The following ZNF737 variants were observed in gnomAD, a reference collection of about 807,000 sequenced individuals.
ZNF737 encodes the protein zinc finger protein 737.
In ZNF737, 13 loss-of-function variants were observed where a neutral mutation model predicts 11.7. That is an observed-to-expected ratio of 1.11 (90% CI 0.73 to 1.77). The LOEUF (loss-of-function observed/expected upper bound fraction) is 1.77, where lower values mean the gene tolerates loss of function less well. Ranked by LOEUF, ZNF737 falls within the 40% of genes most tolerant of loss-of-function variation. The pLI is 0.00. For missense variants in ZNF737, 636 were observed against 638.0 expected (o/e 1.00, Z 0.03); for synonymous variants, 217 against 216.2 (o/e 1.00, Z -0.03).
intron 2 of ZNF737, 67 bp downstream of exon 2, chr19:20,553,642 A>T: frequency 6.8e-7 from 1 of 1,470,570 alleles, no homozygotes; most frequent in East Asian, 2.3e-5. Context: ...TACTAAAAAA[A>T]TTCTACAAGA....
intron 3 of ZNF737, 45 bp from the exon 4 acceptor site, chr19:20,546,021 G>C (rs1968444008): frequency 2.0e-6 from 3 of 1,518,026 alleles, no homozygotes; most frequent in Non-Finnish European, 2.6e-6. Context: ...GGTAGACTCA[G>C]ATAAATATAC....
At chr19:20,554,324 T>C (rs1968806345) in intron 1 of ZNF737, among the ~76,000 whole-genome samples, 1 of 152,222 alleles carries the variant, frequency 6.6e-6, no homozygotes, top group African/African-American at 2.4e-5. Flanking sequence ...AAGAAGGATA[T>C]TTTGTCAAAC....
At position 20,541,417 on chromosome 19, in the gene ZNF737, T is replaced by A; in HGVS notation, c.*3175A>T. On this transcript the variant is annotated 3_prime_UTR_variant, in exon 4 of 4. Transcript: ENST00000427401. The stretch of plus-strand genomic sequence containing the variant: ...AAAACTATATTACAAGTATTTATAA[T>A]TTTTCAGGACTCAGAAATGTATGGA... The A allele has an allele frequency of 1.0e-6, 1 of 981,606 alleles. No homozygotes were observed. The highest frequency in any genetic ancestry group is 1.2e-6 in the Non-Finnish European group (1 of 826,482). 60.8% of individuals were successfully genotyped at this position (981,606 alleles called of 1,614,324 possible).
rs1968120695 is a variant in ZNF737 at position 20,539,667 on chromosome 19, AG to A, written c.*4924del. 4.3e-6 allele frequency: 4 copies of A among 935,300 alleles called. No individual in the cohort carries two copies. The East Asian group carries it at 4.7e-4, about 109-fold the overall frequency. The allele number at this position is 935,300 out of a possible 1,614,324, so 57.9% of individuals were successfully genotyped here. On this transcript the variant is annotated 3_prime_UTR_variant, in exon 4 of 4. Coordinates refer to ENST00000427401, the MANE Select transcript of ZNF737 (RefSeq NM_001159293.2). ...CAGTATAGTAGAATCCTCTATAATTAGAAGTTAATTATTTATAAATTCATTG... is the reference window on the plus strand; with the variant it reads ...CAGTATAGTAGAATCCTCTATAATTAAAGTTAATTATTTATAAATTCATTG...
At chr19:20,534,411 C>T (rs1469269682), downstream of ZNF737, among the ~76,000 whole-genome samples, 1 of 149,180 alleles carries the variant, frequency 6.7e-6, no homozygotes, top group Non-Finnish European at 1.5e-5. Context: ...CATTGCACTC[C>T]AGCCTGAGCA....
At chr19:20,552,405 C>A (rs1968712483) in intron 3 of ZNF737, 70 bp downstream of exon 3, 3 of 1,107,728 alleles carry the variant, frequency 2.7e-6, no homozygotes, top group Non-Finnish European at 3.8e-6. Flanking sequence ...ACTTTAAGGA[C>A]TGGCTTTCTC....
downstream of ZNF737, among the ~76,000 whole-genome samples, chr19:20,536,615 C>T (rs1052887251): frequency 1.1e-4 from 16 of 152,030 alleles, no homozygotes; most frequent in Non-Finnish European, 2.4e-4. Flanking sequence ...CGAGACCAGC[C>T]TGGCCAATAT....
At chr19:20,534,453 A>ACTCTGTCTC (rs1555753433), downstream of ZNF737, among the ~76,000 whole-genome samples, 56 of 144,728 alleles carry the variant, frequency 3.9e-4, 4 homozygotes, top group African/African-American at 1.4e-3. Flanking sequence ...AAAAGAAAAA[A>ACTCTGTCTC]TATCTATCTA....
downstream of ZNF737, among the ~76,000 whole-genome samples, chr19:20,532,117 C>T (rs1967844913): frequency 6.7e-6 from 1 of 150,096 alleles, no homozygotes; most frequent in African/African-American, 2.5e-5. Context: ...GACAGTATTT[C>T]AGCACTCTGC....
At position 20,565,623 on chromosome 19, in the gene ZNF737, G is replaced by A. The variant is rs782616590; in HGVS notation, c.3+15C>T. 3.2e-5 allele frequency: 51 copies of A among 1,614,186 alleles called. 1 individual carries two copies. In the South Asian group the frequency reaches 5.5e-4, roughly 17 times the overall value. ...CCTATCCCCCTCTCTCGGGATGTCG[G>A]ACCGGCACTCTCACCATTTCTAGGC... On this transcript the variant is annotated intron_variant, in intron 1 of 3. Transcript: ENST00000427401.
At chr19:20,530,631 G>T in the ZNF737 span, among the ~76,000 whole-genome samples, 1 of 148,600 alleles carries the variant, frequency 6.7e-6, no homozygotes, top group South Asian at 2.2e-4. Flanking sequence ...TCCCAGACGG[G>T]GCGGCGGGGC....
chr19:20,530,522 C>T, the ZNF737 span, among the ~76,000 whole-genome samples: 3 of 145,502 alleles, frequency 2.1e-5, no homozygotes, highest in Non-Finnish European at 4.5e-5. Context: ...GGGGCGGTTG[C>T]CAGGCGGAGG....
At chr19:20,552,708 A>G (rs1968728277) in intron 2 of ZNF737, 138 bp from the exon 3 acceptor site, 1 of 580,528 alleles carries the variant, frequency 1.7e-6, no homozygotes. Flanking sequence ...GAAATTTCTA[A>G]ATATTTAGAA....
chr19:20,531,626 C>T (rs1258565428), downstream of ZNF737, among the ~76,000 whole-genome samples: 6 of 149,472 alleles, frequency 4.0e-5, no homozygotes, highest in Admixed American at 4.0e-4. Flanking sequence ...TGGCTAATTT[C>T]TTGTATTTTT....
rs574172174 is a variant in ZNF737 at position 20,539,396 on chromosome 19, CA to C, written c.*5195del. The C allele has an allele frequency of 2.8e-4, 280 of 985,278 alleles. No homozygotes were observed. In the African/African-American group the frequency reaches 4.5e-3, roughly 16 times the overall value. 61.0% of individuals were successfully genotyped at this position (985,278 alleles called of 1,614,324 possible). Reference sequence around the variant, plus strand: ...GCCAGGATTTCAGATTTCAAAAGGTCAAAAACAATCATTGAGCAAAGCTTAA... The same window carrying C: ...GCCAGGATTTCAGATTTCAAAAGGTCAAAACAATCATTGAGCAAAGCTTAA... On this transcript the variant is annotated 3_prime_UTR_variant, in exon 4 of 4. Coordinates refer to ENST00000427401, the MANE Select transcript of ZNF737 (RefSeq NM_001159293.2).
At chr19:20,549,344 C>T (rs1030034789) in intron 3 of ZNF737, among the ~76,000 whole-genome samples, 4 of 152,112 alleles carry the variant, frequency 2.6e-5, no homozygotes, top group African/African-American at 9.7e-5. Flanking sequence ...GAAACCTACA[C>T]TGAGGCCAGA....
downstream of ZNF737, among the ~76,000 whole-genome samples, chr19:20,534,482 T>TATCTATCTATC (rs1555753478): frequency 2.0e-5 from 3 of 149,500 alleles, no homozygotes; most frequent in African/African-American, 7.4e-5. Flanking sequence ...TCTATCTATC[T>TATCTATCTATC]ATCTATCTAC....
At position 20,542,010 on chromosome 19, in the gene ZNF737, C is replaced by A. The variant is rs1327433170; in HGVS notation, c.*2582G>T. ...AAATAATAAAGAGTCAAAATTTAAT[C>A]TATGGGAACAATATTTAACTCATTT... On this transcript the variant is annotated 3_prime_UTR_variant, in exon 4 of 4. Transcript: ENST00000427401. The A allele has an allele frequency of 1.0e-6, 1 of 983,694 alleles. No homozygotes were observed. Among genetic ancestry groups the A allele is most frequent in the Non-Finnish European group, 1.2e-6 (1 of 828,530 alleles). The allele number at this position is 983,694 out of a possible 1,614,324, so 60.9% of individuals were successfully genotyped here.
chr19:20,560,775 C>T (rs56234214), intron 1 of ZNF737, among the ~76,000 whole-genome samples: 75,487 of 151,466 alleles, frequency 0.5, 19,272 homozygotes, highest in Middle Eastern at 0.57. Flanking sequence ...AGTGAAACTC[C>T]GTCTCCAAAA....
Sources: allele counts gnomAD v4.1 joint callset (sites outside exome capture counted in the v4.1 genomes callset), GRCh38; gene constraint gnomAD v4.1.1; transcripts MANE v1.5; gene names NCBI Gene and HGNC (gene_info 2026-07-23, HGNC 2026-07-21).